TBXAS1: variants seen among roughly 807,000 people sequenced by gnomAD.
The protein encoded by TBXAS1 is thromboxane A synthase 1.
Under a neutral mutation model 60.7 loss-of-function variants are expected in TBXAS1, and 48 were observed. The ratio of observed to expected loss-of-function variants is 0.79; its 90% CI spans 0.63 to 1.01. The LOEUF (loss-of-function observed/expected upper bound fraction) is 1.01, where lower values mean the gene tolerates loss of function less well. TBXAS1 is among the 50% of genes least tolerant of loss of function. The pLI is 0.00. For missense variants in TBXAS1, 685 were observed against 686.3 expected, an observed-to-expected ratio of 1.00 and a Z score of 0.02; for synonymous variants, 287 against 269.7, an observed-to-expected ratio of 1.06 and a Z score of -0.63.
intron 2 of TBXAS1, among the ~76,000 whole-genome samples, chr7:139,872,608 T>G (rs1801905379): frequency 6.6e-6 from 1 of 152,108 alleles, no homozygotes; most frequent in Non-Finnish European, 1.5e-5. Context: ...GAGCCGAGAT[T>G]GCACCATTGC....
At chr7:139,966,046 T>C (rs1019440011) in intron 9 of TBXAS1, among the ~76,000 whole-genome samples, 2 of 152,208 alleles carry the variant, frequency 1.3e-5, no homozygotes, top group African/African-American at 4.8e-5. Context: ...CCTGCTGGTT[T>C]CCATTCAACA....
intron 3 of TBXAS1, among the ~76,000 whole-genome samples, chr7:139,880,034 C>T (rs1248712536): frequency 6.6e-6 from 1 of 152,106 alleles, no homozygotes; most frequent in Non-Finnish European, 1.5e-5. Context: ...CAGGCATGTG[C>T]CATCACGCCC....
intron 12 of TBXAS1, among the ~76,000 whole-genome samples, chr7:140,019,551 C>G (rs188421671): frequency 1.6e-4 from 24 of 152,294 alleles, no homozygotes; most frequent in Non-Finnish European, 2.5e-4. Flanking sequence ...ACAGGAGACA[C>G]GTACAGCCCC....
chr7:139,892,186 C>T (rs1803671669), intron 3 of TBXAS1, among the ~76,000 whole-genome samples: 1 of 152,142 alleles, frequency 6.6e-6, no homozygotes, highest in South Asian at 2.1e-4. Flanking sequence ...GGTCAGCTGG[C>T]CGTACCAGAA....
chr7:139,873,711 G>C (rs1801998266), intron 2 of TBXAS1, among the ~76,000 whole-genome samples: 1 of 152,168 alleles, frequency 6.6e-6, no homozygotes, highest in Non-Finnish European at 1.5e-5. Flanking sequence ...ATGGCCAACA[G>C]ACATTTGTAG....
chr7:139,880,469 G>C (rs749128329), intron 3 of TBXAS1, among the ~76,000 whole-genome samples: 1 of 152,140 alleles, frequency 6.6e-6, no homozygotes, highest in Non-Finnish European at 1.5e-5. Flanking sequence ...AATTCATAAA[G>C]TACAAATGAG....
At chr7:140,014,562 T>C (rs1303834245) in intron 10 of TBXAS1, among the ~76,000 whole-genome samples, 1 of 151,834 alleles carries the variant, frequency 6.6e-6, no homozygotes, top group Non-Finnish European at 1.5e-5. Flanking sequence ...TGTGTGTGCA[T>C]GTGTGTGTGT....
At chr7:140,010,785 C>G (rs906842787) in intron 10 of TBXAS1, among the ~76,000 whole-genome samples, 13 of 152,156 alleles carry the variant, frequency 8.5e-5, no homozygotes, top group Non-Finnish European at 8.8e-5. Flanking sequence ...AGCAAGAAGC[C>G]ACAGGCTGCT....
At chr7:139,844,251 G>A (rs988885016) in intron 1 of TBXAS1, among the ~76,000 whole-genome samples, 5 of 152,158 alleles carry the variant, frequency 3.3e-5, no homozygotes, top group African/African-American at 1.2e-4. Flanking sequence ...AGGCATTGAA[G>A]AACAGACACT....
chr7:139,842,451 C>G (rs1799512729), intron 1 of TBXAS1, among the ~76,000 whole-genome samples: 1 of 152,176 alleles, frequency 6.6e-6, no homozygotes, highest in Non-Finnish European at 1.5e-5. Context: ...TATCGCTTGC[C>G]ACTGAAGGGA....
At chr7:139,808,034 C>T (rs1445263282) in intron 4 of TBXAS1, among the ~76,000 whole-genome samples, 1 of 151,996 alleles carries the variant, frequency 6.6e-6, no homozygotes. Context: ...ATACAATAGA[C>T]CTAAAACAAA....
At chr7:139,991,883 T>C (rs2117603342) in intron 9 of TBXAS1, among the ~76,000 whole-genome samples, 1 of 152,322 alleles carries the variant, frequency 6.6e-6, no homozygotes, top group African/African-American at 2.4e-5. Context: ...AGAGGGACTT[T>C]AGCTGGGAGC....
rs965052875 is a variant in TBXAS1 at position 139,999,243 on chromosome 7, G to A, written c.1135-7848G>A. Reference sequence around the variant, plus strand: ...AACCTTGCCATAAGAACTCAGGGCTGGCCGGGCGCCATGGCTTACGCCTAT... The same window carrying A: ...AACCTTGCCATAAGAACTCAGGGCTAGCCGGGCGCCATGGCTTACGCCTAT... On this transcript the variant is annotated intron_variant, in intron 9 of 12. Coordinates refer to ENST00000448866, the MANE Select transcript of TBXAS1 (RefSeq NM_001061.7). The surrounding 1 kb of genome is among the most constrained non-coding windows in gnomAD (Gnocchi z 4.3). 1.3e-5 allele frequency among the ~76,000 whole-genome samples: 2 copies of A among 152,240 alleles called. No homozygotes were observed. Among genetic ancestry groups the A allele is most frequent in the Non-Finnish European group, 1.5e-5 (1 of 68,042 alleles).
intron 3 of TBXAS1, among the ~76,000 whole-genome samples, chr7:139,881,480 C>T (rs1174502734): frequency 6.6e-6 from 1 of 151,992 alleles, no homozygotes; most frequent in Non-Finnish European, 1.5e-5. Flanking sequence ...GGGTAGAGTT[C>T]CATCTGGAAA....
intron 3 of TBXAS1, among the ~76,000 whole-genome samples, chr7:139,895,780 C>A (rs1804039442): frequency 6.6e-6 from 1 of 152,230 alleles, no homozygotes; most frequent in South Asian, 2.1e-4. Context: ...AGCTTCCCCA[C>A]AGAGGACTCT....
Position 139,778,870 on chromosome 7 carries a change from C to T in TBXAS1, c.-318+399C>T, listed in dbSNP as rs902013211. 1.3e-5 allele frequency among the ~76,000 whole-genome samples: 2 copies of T among 152,176 alleles called. No homozygotes were observed. Among genetic ancestry groups the T allele is most frequent in the Non-Finnish European group, 2.9e-5 (2 of 68,042 alleles). On this transcript the variant is annotated intron_variant, in intron 1 of 16. Coordinates refer to the TBXAS1 transcript ENST00000336425. This position sits in a 1 kb window ranked among gnomAD's most constrained non-coding sequence, Gnocchi z 4.8. ...TGCTTGGATAGGATGCCCTGCCATC[C>T]CCTCCAACTTAGGAAGACTTGTTGA...
chr7:139,926,664 A>G (rs999822094), intron 4 of TBXAS1, among the ~76,000 whole-genome samples: 2 of 148,650 alleles, frequency 1.3e-5, no homozygotes, highest in Non-Finnish European at 3.0e-5. Context: ...TTTTTTTTCT[A>G]CTAACTTTGG....
At chr7:139,977,879 A>G (rs1187989958) in intron 9 of TBXAS1, among the ~76,000 whole-genome samples, 2 of 152,254 alleles carry the variant, frequency 1.3e-5, no homozygotes, top group Admixed American at 6.5e-5. Flanking sequence ...ACCTAGCTCT[A>G]TAAAGAAATA....
intron 4 of TBXAS1, among the ~76,000 whole-genome samples, chr7:139,923,564 C>T (rs1381074591): frequency 1.3e-5 from 2 of 151,820 alleles, no homozygotes; most frequent in South Asian, 2.1e-4. Context: ...ATAATAATCA[C>T]ATCAGGGTAA....
Sources: allele counts gnomAD v4.1 joint callset (sites outside exome capture counted in the v4.1 genomes callset), GRCh38; gene constraint gnomAD v4.1.1; non-coding constraint Gnocchi (gnomAD v3.1); transcripts MANE v1.5; gene names NCBI Gene and HGNC (gene_info 2026-07-23, HGNC 2026-07-21).